UBE4B: variants seen among roughly 807,000 people sequenced by gnomAD.
UBE4B encodes ubiquitin conjugation factor E4 B.
Under a neutral mutation model 148.1 loss-of-function variants are expected in UBE4B, and 27 were observed. That is an observed-to-expected ratio of 0.18 (90% CI 0.13 to 0.25). The LOEUF (loss-of-function observed/expected upper bound fraction) is 0.25, where lower values mean the gene tolerates loss of function less well. Among genes scored for constraint, UBE4B ranks in the 10% least tolerant of loss-of-function variants. The pLI, the probability that UBE4B is intolerant of heterozygous loss-of-function variation, is 1.00. For synonymous variants in UBE4B, 596 were observed against 619.3 expected (o/e 0.96, Z 0.56); for missense variants, 1,170 against 1,662.4 (o/e 0.70, Z 5.15).
At chr1:10,042,189 A>G (rs1306076962) in intron 1 of UBE4B, among the ~76,000 whole-genome samples, 3 of 151,870 alleles carry the variant, frequency 2.0e-5, no homozygotes, top group African/African-American at 7.2e-5. Context: ...AGGCAGAAAG[A>G]CTTCTCTGTG....
intron 2 of UBE4B, among the ~76,000 whole-genome samples, chr1:10,090,671 C>G (rs903976096): frequency 6.6e-6 from 1 of 152,112 alleles, no homozygotes; most frequent in South Asian, 2.1e-4. Context: ...CCTCTTGCCT[C>G]GACCGCCCAA....
Position 10,171,165 on chromosome 1 carries a change from C to T in UBE4B, c.3361C>T (p.Leu1121=). The change falls in exon 25 of 28, where the codon CTG becomes TTG. Residue 1121 remains leucine (L), a synonymous_variant. Transcript: ENST00000343090. Reference sequence around the variant, plus strand: ...GCTTGGACCCCGATTGGCTGCAATGCTGAACTTTAATCTTCAGCAACTTTG... The same window carrying T: ...GCTTGGACCCCGATTGGCTGCAATGTTGAACTTTAATCTTCAGCAACTTTG... The part of the protein sequence containing the change: ...PELGPRLAAM[L]NFNLQQLCGP... 6.2e-7 allele frequency: 1 copy of T among 1,614,114 alleles called. No individual in the cohort carries two copies. The highest frequency in any genetic ancestry group is 1.1e-5 in the South Asian group (1 of 91,082).
intron 17 of UBE4B, among the ~76,000 whole-genome samples, 197 bp from the exon 18 acceptor site, chr1:10,144,743 A>C (rs1310352767): frequency 1.3e-5 from 2 of 151,410 alleles, no homozygotes; most frequent in Non-Finnish European, 2.9e-5. Context: ...TAAAAAAAAA[A>C]AAAAAAGAAA....
chr1:10,173,590 G>C (rs1248038590), intron 25 of UBE4B, among the ~76,000 whole-genome samples: 2 of 152,066 alleles, frequency 1.3e-5, no homozygotes, highest in African/African-American at 4.8e-5. Flanking sequence ...GCAAGTCATA[G>C]CCTGCAGTGA....
At chr1:10,098,903 A>G (rs1442570724) in intron 3 of UBE4B, among the ~76,000 whole-genome samples, 2 of 152,190 alleles carry the variant, frequency 1.3e-5, no homozygotes, top group African/African-American at 2.4e-5. Context: ...ACAAGTAAGG[A>G]TTGGAATGGA....
intron 2 of UBE4B, among the ~76,000 whole-genome samples, chr1:10,089,845 G>A (rs1318653126): frequency 1.3e-5 from 2 of 151,714 alleles, no homozygotes; most frequent in East Asian, 1.9e-4. Context: ...GATTACAGGC[G>A]TGCACCAGCA....
At chr1:10,160,125 A>G (rs985937490) in intron 22 of UBE4B, among the ~76,000 whole-genome samples, 1 of 152,232 alleles carries the variant, frequency 6.6e-6, no homozygotes, top group African/African-American at 2.4e-5. Flanking sequence ...TCCAGAGTCT[A>G]ACAGAGGTAG....
intron 3 of UBE4B, among the ~76,000 whole-genome samples, chr1:10,098,731 T>G (rs1409429563): frequency 6.6e-6 from 1 of 152,206 alleles, no homozygotes; most frequent in Non-Finnish European, 1.5e-5. Context: ...TATGTGTTAC[T>G]ACAGTATAGC....
At position 10,158,472 on chromosome 1, in the gene UBE4B, G is replaced by A. The variant is rs1389705660; in HGVS notation, c.3043G>A (p.Glu1015Lys). Residue 1015 changes from glutamate to lysine, a missense_variant, in exon 22 of 28, where the codon GAG (glutamate) becomes AAG (lysine). This residue lies in a region of UBE4B where 348 missense variants were observed against 627.2 expected (regional missense o/e 0.55). Transcript: ENST00000343090. ...CATAGCTCACCATGGCACCTTTATG[G>A]AGGAGTTCAAGTGAGTATGGGGCCC... ...QNIAHHGTFM[E>K]EFNSGKQFVR... 1 of 1,613,902 alleles carries A rather than the reference G, an allele frequency of 6.2e-7. No homozygotes were observed. The highest frequency in any genetic ancestry group is 2.2e-5 in the East Asian group (1 of 44,882).
chr1:10,107,473 A>G (rs1645134468), intron 7 of UBE4B: 4 of 1,198,758 alleles, frequency 3.3e-6, no homozygotes, highest in Non-Finnish European at 3.2e-6. Flanking sequence ...TCCAGGCAGG[A>G]TAGGGTCAAA....
chr1:10,175,600 G>A (rs560256634), intron 25 of UBE4B, among the ~76,000 whole-genome samples: 63 of 152,082 alleles, frequency 4.1e-4, no homozygotes, highest in Non-Finnish European at 6.5e-4. Flanking sequence ...GCAGTGAGCC[G>A]AGATCGCGCC....
chr1:10,175,577 G>A lies in UBE4B; in HGVS notation c.3526-3067G>A, dbSNP rs113685306. Among the ~76,000 whole-genome samples the A allele has an allele frequency of 5.0e-3, 768 of 152,170 alleles. 10 individuals carry two copies. Among genetic ancestry groups the A allele is most frequent in the African/African-American group, 0.018 (743 of 41,500 alleles). ...GAGGCAGGAGAATGGCGTGAACCTGGGAGGTGGAGCTTGCAGTGAGCCGAG... is the reference window on the plus strand; with the variant it reads ...GAGGCAGGAGAATGGCGTGAACCTGAGAGGTGGAGCTTGCAGTGAGCCGAG... On this transcript the variant is annotated intron_variant, in intron 25 of 27. Transcript: ENST00000343090.
intron 1 of UBE4B, among the ~76,000 whole-genome samples, chr1:10,041,789 C>T (rs1269821658): frequency 3.3e-5 from 5 of 151,602 alleles, no homozygotes; most frequent in South Asian, 2.1e-4. Flanking sequence ...CTCCGCCTCC[C>T]GAGTTCAAGT....
chr1:10,103,715 C>T (rs199774926), intron 5 of UBE4B, among the ~76,000 whole-genome samples: 1 of 151,572 alleles, frequency 6.6e-6, no homozygotes, highest in Non-Finnish European at 1.5e-5. Flanking sequence ...ACTGCAACTC[C>T]CACCTCCTGG....
intron 10 of UBE4B, 69 bp downstream of exon 10, chr1:10,122,145 C>T (rs1645421504): frequency 9.2e-7 from 1 of 1,085,490 alleles, no homozygotes; most frequent in Non-Finnish European, 1.4e-6. Context: ...TAATTTCTGA[C>T]CATTGAAAAC....
intron 1 of UBE4B, among the ~76,000 whole-genome samples, chr1:10,069,122 T>C (rs1644441838): frequency 6.6e-6 from 1 of 152,246 alleles, no homozygotes; most frequent in Non-Finnish European, 1.5e-5. Flanking sequence ...ACATTTATTC[T>C]CTGTTTATAT....
rs886379166 is a variant in UBE4B, at chr1:10,119,566, C to T, written c.1392C>T (p.Cys464=). The change falls in exon 9 of 28, where the codon TGC becomes TGT. Residue 464 remains cysteine (C), a synonymous_variant. Coordinates refer to ENST00000343090, the MANE Select transcript of UBE4B (RefSeq NM_001105562.3). Reference sequence around the variant, plus strand: ...TTCTGAGCAACATCCGCTCACAGTGCATATCCCATACTGCTTTAGTACTAC... The same window carrying T: ...TTCTGAGCAACATCCGCTCACAGTGTATATCCCATACTGCTTTAGTACTAC... ...SQLLSNIRSQ[C]ISHTALVLQG... is the part of the protein sequence containing the mutation. 1 of 1,613,578 alleles carries T rather than the reference C, an allele frequency of 6.2e-7. No individual in the cohort carries two copies. Among genetic ancestry groups the T allele is most frequent in the Middle Eastern group, 1.6e-4 (1 of 6,062 alleles).
intron 1 of UBE4B, among the ~76,000 whole-genome samples, chr1:10,071,652 G>A (rs1644486251): frequency 6.6e-6 from 1 of 152,036 alleles, no homozygotes; most frequent in Non-Finnish European, 1.5e-5. Context: ...AAACAGAGAT[G>A]GTAAGGGAAC....
chr1:10,052,840 G>C (rs148749176), intron 1 of UBE4B, among the ~76,000 whole-genome samples: 85 of 152,260 alleles, frequency 5.6e-4, no homozygotes, highest in Non-Finnish European at 1.0e-3. Flanking sequence ...GTTATTCACC[G>C]TTCTGCATTC....
Sources: gnomAD v4.1 joint callset for allele counts (sites outside exome capture counted in the v4.1 genomes callset) on GRCh38, gnomAD v4.1.1 for gene constraint, gnomAD v4.1.1 regional missense constraint, MANE v1.5 for transcripts, NCBI Gene and HGNC (gene_info 2026-07-23, HGNC 2026-07-21) for gene names.